Variants in DNAH17 observed in about 807,000 individuals in gnomAD.
DNAH17 encodes axonemal beta dynein heavy chain 17.
Under a neutral mutation model 485.6 loss-of-function variants are expected in DNAH17, and 376 were observed. The observed-to-expected ratio is 0.77, with a 90% CI of 0.71 to 0.84. The LOEUF (loss-of-function observed/expected upper bound fraction) is 0.84, where lower values mean the gene tolerates loss of function less well. DNAH17 is among the 40% of genes least tolerant of loss of function. The pLI is 0.00. For synonymous variants in DNAH17, 3,031 were observed against 2,405.9 expected, an observed-to-expected ratio of 1.26 and a Z score of -7.60; for missense variants, 6,370 against 5,839.3, an observed-to-expected ratio of 1.09 and a Z score of -2.96.
At chr17:78,551,463 C>A in intron 16 of DNAH17, 72 bp downstream of exon 16, 5 of 1,428,974 alleles carry the variant, frequency 3.5e-6, no homozygotes, top group Non-Finnish European at 4.9e-6. Flanking sequence ...TGGGCCTCTA[C>A]GTAGCCTGGT....
chr17:78,463,521 T>C (rs1042424549), intron 56 of DNAH17, among the ~76,000 whole-genome samples: 4 of 152,216 alleles, frequency 2.6e-5, no homozygotes, highest in African/African-American at 9.7e-5. Context: ...TTCACATACC[T>C]GCATATGTAC....
intron 74 of DNAH17, 78 bp from the exon 75 acceptor site, chr17:78,434,298 T>A: frequency 1.4e-6 from 2 of 1,394,162 alleles, no homozygotes; most frequent in Non-Finnish European, 1.9e-6. Context: ...GTGACCAGCG[T>A]CCAGCCCTTG....
At chr17:78,454,113 G>A (rs2087678700) in intron 64 of DNAH17, among the ~76,000 whole-genome samples, 1 of 152,172 alleles carries the variant, frequency 6.6e-6, no homozygotes, top group Non-Finnish European at 1.5e-5. Context: ...CACTGTACCT[G>A]TGTCGTTATA....
At chr17:78,456,507 C>T (rs755526641) in intron 62 of DNAH17, among the ~76,000 whole-genome samples, 4 of 152,148 alleles carry the variant, frequency 2.6e-5, no homozygotes, top group African/African-American at 9.7e-5. Flanking sequence ...CAGCTGGTGA[C>T]AGAGCCCGGG....
chr17:78,561,628 T>TGGTCCCGCTCGGGGTTGGGAC, intron 12 of DNAH17, 87 bp downstream of exon 12: 1 of 1,427,854 alleles, frequency 7.0e-7, no homozygotes, highest in Non-Finnish European at 9.2e-7. Flanking sequence ...ACAGGAGGGG[T>TGGTCCCGCTCGGGGTTGGGAC]GGTCCCGCTC....
At position 78,566,723 on chromosome 17, in the gene DNAH17, T is replaced by A. The variant is rs1399108865; in HGVS notation, c.1460A>T (p.Asp487Val). ...DPLDPGDSNF[D>V]RDYADFEIKI... ...GATCTCAAAATCAGCATAATCACGG[T>A]CAAAATTCTAAAAGCAAATGGAAAT... Residue 487 changes from aspartate to valine, a missense_variant, in exon 11 of 81, where the codon GAC becomes GTC. By Grantham distance (152) the Asp-to-Val change is radical. Transcript: ENST00000389840. The A allele has an allele frequency of 6.3e-7, 1 of 1,599,974 alleles. No individual in the cohort carries two copies. The highest frequency in any genetic ancestry group is 8.5e-7 in the Non-Finnish European group (1 of 1,172,816).
Position 78,434,083 on chromosome 17 carries a change from C to T in DNAH17, c.12171G>A (p.Gly4057=). The T allele has an allele frequency of 1.9e-6, 3 of 1,613,306 alleles. No individual in the cohort carries two copies. Among genetic ancestry groups the T allele is most frequent in the Non-Finnish European group, 2.5e-6 (3 of 1,179,710 alleles). ...GCACGTTGATGGAGATGGTGAGGTCCCCGTTGTTGAAGGGGTACGACCGGT... is the reference window on the plus strand; with the variant it reads ...GCACGTTGATGGAGATGGTGAGGTCTCCGTTGTTGAAGGGGTACGACCGGT... ...GWNRSYPFNN[G]DLTISINVLY... Residue 4057 remains glycine (G), a synonymous_variant, in exon 75 of 81, where the codon GGG becomes GGA. Transcript: ENST00000389840.
intron 14 of DNAH17, among the ~76,000 whole-genome samples, chr17:78,556,989 G>A (rs1202894735): frequency 6.6e-6 from 1 of 152,158 alleles, no homozygotes; most frequent in Non-Finnish European, 1.5e-5. Context: ...GGAAGGAGGT[G>A]CCCTCAACAA....
intron 48 of DNAH17, among the ~76,000 whole-genome samples, chr17:78,482,995 G>T (rs1389719761): frequency 6.6e-6 from 1 of 152,206 alleles, no homozygotes; most frequent in East Asian, 1.9e-4. Flanking sequence ...CTCGCGAGTT[G>T]CAGGGAAACC....
intron 55 of DNAH17, among the ~76,000 whole-genome samples, chr17:78,467,508 T>C (rs1288020709): frequency 6.6e-6 from 1 of 152,110 alleles, no homozygotes; most frequent in East Asian, 1.9e-4. Flanking sequence ...GGGGATGCCT[T>C]TGGCTCACAG....
At chr17:78,456,363 G>C (rs762320360) in intron 62 of DNAH17, among the ~76,000 whole-genome samples, 4 of 152,154 alleles carry the variant, frequency 2.6e-5, no homozygotes, top group African/African-American at 9.7e-5. Flanking sequence ...TAGGAATGCT[G>C]TGTTTCCTCT....
intron 36 of DNAH17, chr17:78,499,421 T>TA (rs11368959): frequency 0.46 from 97,966 of 210,836 alleles, 23,742 homozygotes; most frequent in East Asian, 0.71. Context: ...TTGCATGTTT[T>TA]CTCAGCCCTT....
At chr17:78,571,530 C>T in intron 4 of DNAH17, 60 bp downstream of exon 4, 1 of 1,596,142 alleles carries the variant, frequency 6.3e-7, no homozygotes, top group Non-Finnish European at 8.6e-7. Context: ...AGGCGGAGAG[C>T]TCGGCCCGGT....
At chr17:78,571,853 A>T in intron 3 of DNAH17, 71 bp from the exon 4 acceptor site, 1 of 1,432,536 alleles carries the variant, frequency 7.0e-7, no homozygotes, top group South Asian at 1.4e-5. Flanking sequence ...CTCTCCCATG[A>T]ATCCTTCTGC....
In DNAH17 at chr17:78,526,909, T is replaced by A; in HGVS notation, c.3595A>T (p.Ile1199Phe). Residue 1199 changes from isoleucine to phenylalanine, a missense_variant, in exon 23 of 81, where the codon ATC becomes TTC. Transcript: ENST00000389840. ...VAPLQANEVSILRRKCQQFEL... is the reference protein window; with the variant it reads ...VAPLQANEVSFLRRKCQQFEL... ...AATTGCTGGCATTTCCGCCGCAGGA[T>A]GCTGACCTCGTTGGCCTGGAGTGGT... The A allele has an allele frequency of 4.4e-6, 7 of 1,581,538 alleles. No homozygotes were observed. Among genetic ancestry groups the A allele is most frequent in the Non-Finnish European group, 6.0e-6 (7 of 1,163,380 alleles).
chr17:78,550,234 G>A (rs1032718336), intron 16 of DNAH17, among the ~76,000 whole-genome samples: 4 of 152,248 alleles, frequency 2.6e-5, no homozygotes, highest in African/African-American at 4.8e-5. Context: ...GGAGGCACAC[G>A]TCTGGACACT....
At chr17:78,534,889 T>C (rs978535233) in intron 19 of DNAH17, among the ~76,000 whole-genome samples, 1 of 152,114 alleles carries the variant, frequency 6.6e-6, no homozygotes, top group Non-Finnish European at 1.5e-5. Flanking sequence ...CTGGTACCCA[T>C]GGGAAGCATC....
At chr17:78,473,130 C>T (rs1469272236) in intron 54 of DNAH17, among the ~76,000 whole-genome samples, 3 of 152,220 alleles carry the variant, frequency 2.0e-5, no homozygotes, top group Non-Finnish European at 4.4e-5. Flanking sequence ...ACTATGGCAG[C>T]ACCATTAGAA....
intron 44 of DNAH17, chr17:78,489,330 TCTTGTCTCGA>T (rs974615013): frequency 6.6e-5 from 10 of 152,380 alleles, no homozygotes; most frequent in South Asian, 2.1e-4. Flanking sequence ...CAAACATCAT[TCTTGTCTCGA>T]CAAATACTAC....
Sources: allele counts gnomAD v4.1 joint callset (sites outside exome capture counted in the v4.1 genomes callset), GRCh38; gene constraint gnomAD v4.1.1; transcripts MANE v1.5; gene names NCBI Gene and HGNC (gene_info 2026-07-23, HGNC 2026-07-21).